The following IFT88 variants were observed in gnomAD, a reference collection of about 807,000 sequenced individuals.
IFT88 encodes intraflagellar transport protein 88 homolog.
In IFT88, 74 loss-of-function variants were observed where a neutral mutation model predicts 119.5. The ratio of observed to expected loss-of-function variants is 0.62; its 90% CI spans 0.51 to 0.75. The LOEUF (loss-of-function observed/expected upper bound fraction) is 0.75. Ranked by LOEUF, IFT88 falls within the 30% of genes least tolerant of loss-of-function variation. The pLI is 0.00. For synonymous variants in IFT88, 279 were observed against 316.7 expected (o/e 0.88, Z 1.26); for missense variants, 961 against 977.7 (o/e 0.98, Z 0.23).
At chr13:20,590,718 C>A (rs547081513) in intron 4 of IFT88, among the ~76,000 whole-genome samples, 1 of 152,264 alleles carries the variant, frequency 6.6e-6, no homozygotes, top group South Asian at 2.1e-4. Context: ...AAAGCAGCCA[C>A]AGGCAATGTG....
intron 16 of IFT88, 33 bp from the exon 17 acceptor site, chr13:20,638,299 A>C (rs764072726): frequency 8.5e-7 from 1 of 1,171,676 alleles, no homozygotes; most frequent in East Asian, 2.9e-5. Context: ...TATTTCATGA[A>C]ATTCAAATAA....
intron 16 of IFT88, among the ~76,000 whole-genome samples, chr13:20,638,110 A>G (rs2049304972): frequency 6.6e-6 from 1 of 152,204 alleles, no homozygotes; most frequent in Non-Finnish European, 1.5e-5. Context: ...TTGTTATTCT[A>G]ACCATGAGAC....
Position 20,597,208 on chromosome 13 carries a change from C to G in IFT88, c.594+89C>G, listed in dbSNP as rs947865235. The G allele has an allele frequency of 4.8e-5, 29 of 606,358 alleles. No individual in the cohort carries two copies. The African/African-American group carries it at 5.1e-4, about 11-fold the overall frequency. 37.6% of individuals were successfully genotyped at this position (606,358 alleles called of 1,614,324 possible). A position where few individuals can be genotyped will look rare whatever the true frequency, so the allele number is the denominator to read the frequency against. ...GTCTTTTTTCTTTTATTTTTAAAAT[C>G]TTACTGGTCTTCAGGTGCTCACAAT... is the stretch of plus-strand genomic sequence containing the variant. On this transcript the variant is annotated intron_variant, in intron 9 of 25. Coordinates refer to ENST00000351808, the MANE Select transcript of IFT88 (RefSeq NM_006531.5).
chr13:20,687,506 A>G (rs979013567), intron 24 of IFT88, among the ~76,000 whole-genome samples: 3 of 152,188 alleles, frequency 2.0e-5, no homozygotes, highest in African/African-American at 7.2e-5. Flanking sequence ...CTTGTCACCA[A>G]CTATGCACTC....
chr13:20,643,287 T>C (rs1313515687), intron 18 of IFT88, among the ~76,000 whole-genome samples, 168 bp from the exon 19 acceptor site: 1 of 152,160 alleles, frequency 6.6e-6, no homozygotes, highest in East Asian at 1.9e-4. Context: ...GAGTGTTACC[T>C]CCACAGTACT....
intron 22 of IFT88, among the ~76,000 whole-genome samples, chr13:20,657,089 GT>G (rs2140647835): frequency 6.6e-6 from 1 of 152,246 alleles, no homozygotes; most frequent in South Asian, 2.1e-4. Context: ...AACTCCTGAC[GT>G]TGTGATCCGC....
chr13:20,567,774 C>G, intron 1 of IFT88: 2 of 1,341,318 alleles, frequency 1.5e-6, no homozygotes, highest in Non-Finnish European at 1.9e-6. Flanking sequence ...GGAAACATTC[C>G]AAAAACGTGA....
intron 20 of IFT88, among the ~76,000 whole-genome samples, chr13:20,652,807 G>A (rs1376423025): frequency 6.6e-6 from 1 of 152,162 alleles, no homozygotes; most frequent in Non-Finnish European, 1.5e-5. Context: ...AGAGCATATG[G>A]AACAGTCTAT....
rs369560434 is a variant in IFT88 at position 20,691,060 on chromosome 13, C to T, written c.2360C>T (p.Ser787Phe). The T allele has an allele frequency of 1.6e-5, 26 of 1,613,792 alleles. No individual in the cohort carries two copies. Among genetic ancestry groups the T allele is most frequent in the Non-Finnish European group, 2.0e-5 (24 of 1,179,872 alleles). Residue 787 changes from serine to phenylalanine, a missense_variant, in exon 26 of 26, where the codon TCC becomes TTC. Coordinates refer to ENST00000351808, the MANE Select transcript of IFT88 (RefSeq NM_006531.5). ...ESSSNKEIDA[S>F]YVDPLGPQIE... ...CAATCTCTTCGAAACCTAGATGCCT[C>T]CTATGTGGACCCACTTGGCCCTCAA...
rs895212363 is a variant in IFT88, at chr13:20,623,888, A to G, written c.1200-1862A>G. Reference sequence around the variant, plus strand: ...TCCTAAGTATTGTATTCTTTTTGGCACTGTTGTCGATGGAATTGTACTCTT... The same window carrying G: ...TCCTAAGTATTGTATTCTTTTTGGCGCTGTTGTCGATGGAATTGTACTCTT... On this transcript the variant is annotated intron_variant, in intron 14 of 25. Coordinates refer to ENST00000351808, the MANE Select transcript of IFT88 (RefSeq NM_006531.5). Among the ~76,000 whole-genome samples the G allele has an allele frequency of 2.6e-5, 4 of 152,178 alleles. No individual in the cohort carries two copies. The South Asian group carries it at 8.3e-4, about 32-fold the overall frequency.
intron 11 of IFT88, among the ~76,000 whole-genome samples, chr13:20,601,042 A>T (rs531408034): frequency 7.4e-4 from 113 of 152,220 alleles, no homozygotes; most frequent in Non-Finnish European, 1.5e-3. Context: ...CCATTTATGT[A>T]CAATGCCTAG....
intron 19 of IFT88, among the ~76,000 whole-genome samples, chr13:20,644,273 G>A (rs1284210255): frequency 6.6e-6 from 1 of 152,160 alleles, no homozygotes; most frequent in Non-Finnish European, 1.5e-5. Context: ...GCCAAGGAAG[G>A]CAGATTACTT....
chr13:20,652,615 GAA>G (rs532663523), intron 20 of IFT88, among the ~76,000 whole-genome samples: 1 of 138,142 alleles, frequency 7.2e-6, no homozygotes. Flanking sequence ...GACCCTGTCT[GAA>G]AAAAAAAAAA....
chr13:20,574,359 T>G, intron 1 of IFT88, 21 bp from the exon 2 acceptor site: 2 of 1,457,524 alleles, frequency 1.4e-6, no homozygotes, highest in Non-Finnish European at 1.9e-6. Flanking sequence ...AGAACATATT[T>G]ACACTGCCAG....
chr13:20,675,082 G>T (rs1366699154), intron 24 of IFT88, among the ~76,000 whole-genome samples: 1 of 151,972 alleles, frequency 6.6e-6, no homozygotes, highest in Non-Finnish European at 1.5e-5. Flanking sequence ...TTTTGCTGGG[G>T]CCTGATGGTG....
Position 20,631,076 on chromosome 13 carries a change from A to T in IFT88, c.1360A>T (p.Thr454Ser). Residue 454 changes from threonine to serine, a missense_variant, in exon 16 of 26, where the codon ACC becomes TCC. Transcript: ENST00000351808. Reference protein sequence around the residue: ...KDSRVKSAAATNLSALYYMGK... With the variant: ...KDSRVKSAAASNLSALYYMGK... Reference sequence around the variant, plus strand: ...CAGTAGAGTGAAAAGTGCAGCTGCAACCAATCTCTCAGCCCTGTATTATAT... The same window carrying T: ...CAGTAGAGTGAAAAGTGCAGCTGCATCCAATCTCTCAGCCCTGTATTATAT... 1 of 1,604,518 alleles carries T rather than the reference A, an allele frequency of 6.2e-7. No individual in the cohort carries two copies. Among genetic ancestry groups the T allele is most frequent in the Non-Finnish European group, 8.5e-7 (1 of 1,171,230 alleles).
At position 20,601,365 on chromosome 13, in the gene IFT88, GA is replaced by G. The variant is rs60858876; in HGVS notation, c.813-325del. On this transcript the variant is annotated intron_variant, in intron 11 of 25. Transcript: ENST00000351808. ...TGAGCAACAGAGAGAGACCCTGTCTGAAAAAAAAAAAAAAAGACTAATGGTT... is the reference window on the plus strand; with the variant it reads ...TGAGCAACAGAGAGAGACCCTGTCTGAAAAAAAAAAAAAAGACTAATGGTT... Among the ~76,000 whole-genome samples the G allele has an allele frequency of 1.3e-3, 184 of 143,254 alleles. 2 individuals carry two copies. Among genetic ancestry groups the G allele is most frequent in the Middle Eastern group, 0.01 (3 of 290 alleles). The allele number at this position is 143,254 out of a possible 152,430, so 94.0% of individuals were successfully genotyped here. A position where few individuals can be genotyped will look rare whatever the true frequency, so the allele number is the denominator to read the frequency against.
chr13:20,666,185 T>TG (rs1406206976), intron 23 of IFT88, among the ~76,000 whole-genome samples: 2 of 152,180 alleles, frequency 1.3e-5, no homozygotes, highest in Admixed American at 1.3e-4. Context: ...CTGGAATGGA[T>TG]GTTTACCTTT....
chr13:20,656,122 T>TAAAAAAAA lies in IFT88; in HGVS notation c.2003-236_2003-229dup, dbSNP rs60352862. Among the ~76,000 whole-genome samples, 101 of 104,776 alleles carry TAAAAAAAA rather than the reference T, an allele frequency of 9.6e-4. 3 individuals are homozygous for TAAAAAAAA. Among genetic ancestry groups the TAAAAAAAA allele is most frequent in the Non-Finnish European group, 1.5e-3 (87 of 56,330 alleles). 68.7% of individuals were successfully genotyped at this position (104,776 alleles called of 152,430 possible). On this transcript the variant is annotated intron_variant, in intron 21 of 25. Transcript: ENST00000351808. ...GCAACAGAGTGAGACCTCGTCTCTT[T>TAAAAAAAA]AAAAAAAAAAAAAAGGAAGAAGCTA...
Sources: gnomAD v4.1 joint callset for allele counts (sites outside exome capture counted in the v4.1 genomes callset) on GRCh38, gnomAD v4.1.1 for gene constraint, MANE v1.5 for transcripts, NCBI Gene and HGNC (gene_info 2026-07-23, HGNC 2026-07-21) for gene names.